The following CREB5 variants were observed in gnomAD, a reference collection of about 807,000 sequenced individuals.
The protein encoded by CREB5 is cyclic AMP-responsive element-binding protein 5.
Under a neutral mutation model 57.1 loss-of-function variants are expected in CREB5, and 19 were observed. That is an observed-to-expected ratio of 0.33 (90% CI 0.23 to 0.49). The LOEUF is 0.49. Ranked by LOEUF, CREB5 falls within the 20% of genes least tolerant of loss-of-function variation. The pLI is 0.99. For synonymous variants in CREB5, 238 were observed against 238.3 expected, an observed-to-expected ratio of 1.00 and a Z score of 0.01; for missense variants, 579 against 671.6, an observed-to-expected ratio of 0.86 and a Z score of 1.52.
At chr7:28,586,234 A>C (rs1358405172) in intron 5 of CREB5, among the ~76,000 whole-genome samples, 3 of 152,116 alleles carry the variant, frequency 2.0e-5, no homozygotes, top group Non-Finnish European at 4.4e-5. Context: ...TTCCAAACCC[A>C]TGTTTCTCTA....
intron 5 of CREB5, among the ~76,000 whole-genome samples, chr7:28,671,754 C>A (rs1174595043): frequency 6.6e-6 from 1 of 152,180 alleles, no homozygotes; most frequent in Non-Finnish European, 1.5e-5. Context: ...CTGCCACGTG[C>A]CAGCTGTGTG....
At chr7:28,699,071 T>A (rs572269464) in intron 5 of CREB5, among the ~76,000 whole-genome samples, 1 of 152,244 alleles carries the variant, frequency 6.6e-6, no homozygotes, top group African/African-American at 2.4e-5. Context: ...GGCCATTTGC[T>A]CTGTGAGGCT....
chr7:28,409,411 C>G (rs1158663230), upstream of CREB5: 1 of 156,128 alleles, frequency 6.4e-6, no homozygotes, highest in Admixed American at 6.5e-5. This position sits in a 1 kb window ranked among gnomAD's most constrained non-coding sequence, Gnocchi z 4.4. Flanking sequence ...CTTGCCTTCT[C>G]CACACTTGTT....
intron 9 of CREB5, among the ~76,000 whole-genome samples, chr7:28,814,218 A>G (rs1056754807): frequency 6.6e-6 from 1 of 152,254 alleles, no homozygotes; most frequent in Non-Finnish European, 1.5e-5. Context: ...CTTAAAATAT[A>G]GTCTAGTATT....
intron 4 of CREB5, among the ~76,000 whole-genome samples, chr7:28,541,257 C>T (rs976575962): frequency 8.5e-5 from 13 of 152,144 alleles, no homozygotes; most frequent in Admixed American, 7.9e-4. Flanking sequence ...CTGGTCTTTA[C>T]GTTCTTGCTC....
chr7:28,721,819 T>G (rs1400283481), intron 6 of CREB5, among the ~76,000 whole-genome samples: 1 of 152,194 alleles, frequency 6.6e-6, no homozygotes, highest in Non-Finnish European at 1.5e-5. Context: ...CTTTAATAAT[T>G]TGGAAGCGTG....
At chr7:28,605,785 G>GC (rs5883157) in intron 5 of CREB5, among the ~76,000 whole-genome samples, 152,308 of 152,310 alleles carry the variant, frequency 1, 76,153 homozygotes, top group Middle Eastern at 1. Flanking sequence ...ACACAAGAGT[G>GC]CTTCGGTCCT....
intron 7 of CREB5, among the ~76,000 whole-genome samples, chr7:28,773,192 CTGTT>C (rs573197008): frequency 3.3e-5 from 5 of 151,948 alleles, no homozygotes; most frequent in Admixed American, 6.6e-5. Flanking sequence ...CACTTTAAGA[CTGTT>C]TGTTTGACTA....
chr7:28,744,340 CTTTTTTTTTTTTTTT>C (rs753167682), intron 7 of CREB5, among the ~76,000 whole-genome samples: 33 of 88,828 alleles, frequency 3.7e-4, no homozygotes, highest in African/African-American at 1.5e-3. Flanking sequence ...TTTAGTACCT[CTTTTTTTTTTTTTTT>C]TTTTTTTTTT....
rs547319078 is a variant in CREB5 at position 28,728,140 on chromosome 7, A to G, written c.702+3808A>G. 1.1e-4 allele frequency among the ~76,000 whole-genome samples: 17 copies of G among 152,114 alleles called. No homozygotes were observed. In the East Asian group the frequency reaches 1.2e-3, roughly 10 times the overall value. On this transcript the variant is annotated intron_variant, in intron 7 of 10. Coordinates refer to ENST00000357727, the MANE Select transcript of CREB5 (RefSeq NM_182898.4). ...ATTTTTGTCGAGACAGGATCTCACT[A>G]TGTTGGCCAGACTGGTCTCAAATTC...
chr7:28,817,990 T>G, intron 9 of CREB5, 81 bp from the exon 10 acceptor site: 1 of 995,190 alleles, frequency 1.0e-6, no homozygotes, highest in Non-Finnish European at 1.5e-6. Context: ...AGTTTGCCAG[T>G]TTTGTTGTTG....
chr7:28,451,135 G>A (rs1287708298), intron 1 of CREB5, among the ~76,000 whole-genome samples: 1 of 152,204 alleles, frequency 6.6e-6, no homozygotes, highest in Non-Finnish European at 1.5e-5. Context: ...TGGAGTGGGT[G>A]TGAGGTGCGC....
intron 7 of CREB5, among the ~76,000 whole-genome samples, chr7:28,753,319 GA>G: frequency 6.6e-6 from 1 of 152,152 alleles, no homozygotes; most frequent in South Asian, 2.1e-4. Flanking sequence ...ATACTATGTA[GA>G]AAAAATAGAA....
At chr7:28,622,255 TCTCTCACACA>T (rs1332070838) in intron 5 of CREB5, among the ~76,000 whole-genome samples, 2 of 140,760 alleles carry the variant, frequency 1.4e-5, no homozygotes, top group Admixed American at 7.1e-5. Context: ...TCTCTCTCTC[TCTCTCACACA>T]CACACACACA....
chr7:28,413,099 TG>T (rs1222227629), intron 1 of CREB5, among the ~76,000 whole-genome samples, 182 bp downstream of exon 1: 5 of 132,830 alleles, frequency 3.8e-5, no homozygotes, highest in Admixed American at 7.0e-5. Flanking sequence ...AGGATGTGTG[TG>T]TGTGTGTGTG....
At chr7:28,422,898 A>G (rs1438931604) in intron 1 of CREB5, among the ~76,000 whole-genome samples, 4 of 152,180 alleles carry the variant, frequency 2.6e-5, no homozygotes, top group African/African-American at 9.7e-5. Context: ...AGGAGTTTCA[A>G]AGTAATTTAA....
chr7:28,628,942 C>T (rs1462134007), intron 5 of CREB5, among the ~76,000 whole-genome samples: 1 of 152,130 alleles, frequency 6.6e-6, no homozygotes, highest in Non-Finnish European at 1.5e-5. Flanking sequence ...AACCCTTAAG[C>T]CAAACTTCCA....
intron 4 of CREB5, among the ~76,000 whole-genome samples, chr7:28,555,699 T>C (rs1562793785): frequency 6.6e-6 from 1 of 152,168 alleles, no homozygotes; most frequent in African/African-American, 2.4e-5. Flanking sequence ...CACATAACTA[T>C]CATTAGCATA....
intron 7 of CREB5, among the ~76,000 whole-genome samples, chr7:28,765,662 C>T (rs948759330): frequency 9.2e-5 from 14 of 152,182 alleles, no homozygotes; most frequent in Non-Finnish European, 1.6e-4. Context: ...GGTAGAGATA[C>T]GAATGGCTGC....
Sources: allele counts gnomAD v4.1 joint callset (sites outside exome capture counted in the v4.1 genomes callset), GRCh38; gene constraint gnomAD v4.1.1; non-coding constraint Gnocchi (gnomAD v3.1); transcripts MANE v1.5; gene names NCBI Gene and HGNC (gene_info 2026-07-23, HGNC 2026-07-21).